RBMS1: variants seen among roughly 807,000 people sequenced by gnomAD.
RBMS1 encodes the protein RNA binding motif single stranded interacting protein 1.
Under a neutral mutation model 62.3 loss-of-function variants are expected in RBMS1, and 17 were observed. The observed-to-expected ratio is 0.27, with a 90% CI of 0.19 to 0.41. The LOEUF (loss-of-function observed/expected upper bound fraction) is 0.41. Among genes scored for constraint, RBMS1 ranks in the 10% least tolerant of loss-of-function variants. The pLI is 1.00. For synonymous variants in RBMS1, 172 were observed against 170.0 expected (o/e 1.01, Z -0.09); for missense variants, 334 against 504.5 (o/e 0.66, Z 3.24).
chr2:160,403,324 C>G (rs1205089101), intron 1 of RBMS1, among the ~76,000 whole-genome samples: 1 of 152,214 alleles, frequency 6.6e-6, no homozygotes, highest in African/African-American at 2.4e-5. Flanking sequence ...TTTAAAACAA[C>G]AACAAATTGG....
Position 160,281,339 on chromosome 2 carries a change from G to A in RBMS1, c.926C>T (p.Pro309Leu). 6.2e-7 allele frequency: 1 copy of A among 1,610,074 alleles called. No homozygotes were observed. The highest frequency in any genetic ancestry group is 1.1e-5 in the South Asian group (1 of 90,372). The change falls in exon 10 of 14, where the codon CCT becomes CTT. Residue 309 changes from proline (P) to leucine (L), a missense_variant. Around this residue, in one of 3 missense-constraint regions of RBMS1, gnomAD observed 182 missense variants for 257.7 expected, o/e 0.71. Transcript: ENST00000348849. ...YQVQSPSWMQ[P>L]QPYILQHPGA... is the part of the protein sequence containing the mutation. ...AGGGTGCTGTAGAATATATGGTTGAGGTTGCATCCACGAAGGACTTTGCAC... is the reference window on the plus strand; with the variant it reads ...AGGGTGCTGTAGAATATATGGTTGAAGTTGCATCCACGAAGGACTTTGCAC...
chr2:160,365,515 T>C (rs1400557031), intron 2 of RBMS1, among the ~76,000 whole-genome samples: 3 of 152,214 alleles, frequency 2.0e-5, no homozygotes, highest in Non-Finnish European at 4.4e-5. Flanking sequence ...ATTTGTAATA[T>C]GATTCAGTTC....
intron 1 of RBMS1, among the ~76,000 whole-genome samples, chr2:160,369,064 C>T (rs1285704927): frequency 6.6e-6 from 1 of 152,168 alleles, no homozygotes; most frequent in Non-Finnish European, 1.5e-5. Context: ...AAGAGATTCT[C>T]TTTTAGAAGG....
intron 2 of RBMS1, among the ~76,000 whole-genome samples, chr2:160,341,328 C>CG (rs1225622588): frequency 6.6e-6 from 1 of 152,142 alleles, no homozygotes; most frequent in African/African-American, 2.4e-5. Flanking sequence ...CACCCTTTTA[C>CG]TACCATCTTC....
chr2:160,298,184 T>C (rs2105947774), intron 6 of RBMS1, among the ~76,000 whole-genome samples: 1 of 152,242 alleles, frequency 6.6e-6, no homozygotes, highest in South Asian at 2.1e-4. Flanking sequence ...GTATGTGAGA[T>C]ACAAAGCACA....
Position 160,367,504 on chromosome 2 carries a change from A to C in RBMS1, c.76-113T>G, listed in dbSNP as rs1693474545. On this transcript the variant is annotated intron_variant, in intron 1 of 13. Coordinates refer to ENST00000348849, the MANE Select transcript of RBMS1 (RefSeq NM_016836.4). ...TTACTTTAAGCTACTTTGAGTTATA[A>C]ATTTTAATTTACACTTTAAAAAAGG... 3.4e-6 allele frequency: 5 copies of C among 1,483,482 alleles called. No homozygotes were observed. The African/African-American group carries it at 5.6e-5, about 17-fold the overall frequency. 91.9% of individuals were successfully genotyped at this position (1,483,482 alleles called of 1,614,324 possible).
At chr2:160,331,936 T>TCA (rs1219206255) in intron 2 of RBMS1, among the ~76,000 whole-genome samples, 3 of 152,172 alleles carry the variant, frequency 2.0e-5, no homozygotes, top group Non-Finnish European at 4.4e-5. Flanking sequence ...CACCACTGTG[T>TCA]CAGCAGAAAA....
chr2:160,465,135 T>C (rs1249308895), intron 1 of RBMS1, among the ~76,000 whole-genome samples: 1 of 152,238 alleles, frequency 6.6e-6, no homozygotes, highest in Non-Finnish European at 1.5e-5. Context: ...TTGAAGGTTT[T>C]CCAAAGAGAC....
intron 6 of RBMS1, among the ~76,000 whole-genome samples, chr2:160,295,011 T>C (rs1167870858): frequency 1.3e-5 from 2 of 149,074 alleles, no homozygotes; most frequent in Admixed American, 6.7e-5. Context: ...GAAGTCACCA[T>C]GTATACAAGA....
At chr2:160,363,636 A>T (rs931949335) in intron 2 of RBMS1, among the ~76,000 whole-genome samples, 3 of 152,248 alleles carry the variant, frequency 2.0e-5, no homozygotes, top group African/African-American at 7.2e-5. Context: ...AAAGGGACAA[A>T]GAGAAGGAGC....
intron 1 of RBMS1, among the ~76,000 whole-genome samples, chr2:160,481,103 G>C (rs1169230201): frequency 6.8e-6 from 1 of 146,722 alleles, no homozygotes; most frequent in Non-Finnish European, 1.5e-5. Flanking sequence ...AAAAAAGCAG[G>C]AGTCCAGAAG....
intron 1 of RBMS1, among the ~76,000 whole-genome samples, chr2:160,408,840 G>A (rs1271980706): frequency 6.6e-6 from 1 of 152,202 alleles, no homozygotes; most frequent in African/African-American, 2.4e-5. Context: ...GCGGTCTCTG[G>A]ATAAGCCACT....
chr2:160,492,948 A>G (rs1252776736), intron 1 of RBMS1: 1 of 252,624 alleles, frequency 4.0e-6, no homozygotes, highest in East Asian at 8.5e-5. Context: ...AGACGCGCAC[A>G]CCAGGCGACG....
intron 1 of RBMS1, among the ~76,000 whole-genome samples, chr2:160,471,716 T>TATATATATATATATATA (rs371634389): frequency 2.6e-4 from 20 of 76,226 alleles, no homozygotes; most frequent in Admixed American, 5.6e-4. Flanking sequence ...TATATATATA[T>TATATATATATATATATA]AACCTTTCAT....
intron 1 of RBMS1, among the ~76,000 whole-genome samples, chr2:160,370,543 T>C (rs772391594): frequency 2.0e-5 from 3 of 152,224 alleles, no homozygotes; most frequent in Non-Finnish European, 2.9e-5. Context: ...AGGTAGGTTA[T>C]TGTTCTCCCA....
chr2:160,374,934 C>G (rs770793302), intron 1 of RBMS1, among the ~76,000 whole-genome samples: 21 of 144,452 alleles, frequency 1.5e-4, no homozygotes, highest in Non-Finnish European at 2.6e-4. Flanking sequence ...ACATCTCGGG[C>G]GGGGGACGGT....
chr2:160,459,554 C>T (rs1684379851), intron 1 of RBMS1, among the ~76,000 whole-genome samples: 1 of 152,016 alleles, frequency 6.6e-6, no homozygotes, highest in African/African-American at 2.4e-5. Context: ...GTGTTTCTGA[C>T]CTATTTAAAA....
At chr2:160,448,367 G>A (rs1191394579) in intron 1 of RBMS1, among the ~76,000 whole-genome samples, 2 of 141,472 alleles carry the variant, frequency 1.4e-5, no homozygotes, top group African/African-American at 2.6e-5. Flanking sequence ...CTGTACTGCC[G>A]CCATCTCGGC....
At chr2:160,388,451 T>G (rs1694694117) in intron 1 of RBMS1, among the ~76,000 whole-genome samples, 1 of 152,172 alleles carries the variant, frequency 6.6e-6, no homozygotes, top group South Asian at 2.1e-4. Flanking sequence ...ACAGCAAGTC[T>G]TTGAAATTCA....
Sources: gnomAD v4.1 joint callset for allele counts (sites outside exome capture counted in the v4.1 genomes callset) on GRCh38, gnomAD v4.1.1 for gene constraint, gnomAD v4.1.1 regional missense constraint, MANE v1.5 for transcripts, NCBI Gene and HGNC (gene_info 2026-07-23, HGNC 2026-07-21) for gene names.